The following CHD6 variants were observed in gnomAD, a reference collection of about 807,000 sequenced individuals.
CHD6 encodes the protein chromodomain helicase DNA binding protein 6, also known as ATP-dependent chromatin remodeler CHD6.
Under a neutral mutation model 276.9 loss-of-function variants are expected in CHD6, and 50 were observed. The observed-to-expected ratio is 0.18, with a 90% CI of 0.14 to 0.23. The LOEUF (loss-of-function observed/expected upper bound fraction) is 0.23. CHD6 is among the 10% of genes least tolerant of loss of function. CHD6 has a pLI of 1.00. For missense variants in CHD6, 2,564 were observed against 3,365.8 expected, an observed-to-expected ratio of 0.76 and a Z score of 5.89; for synonymous variants, 1,173 against 1,229.3, an observed-to-expected ratio of 0.95 and a Z score of 0.96.
At chr20:41,488,310 G>A (rs1023339737) in intron 13 of CHD6, 118 bp downstream of exon 13, 7 of 995,808 alleles carry the variant, frequency 7.0e-6, no homozygotes, top group Non-Finnish European at 8.8e-6. Flanking sequence ...GACCAAAAAA[G>A]AAAATCTAAT....
At chr20:41,457,817 C>A (rs747402804) in intron 17 of CHD6, among the ~76,000 whole-genome samples, 1 of 152,142 alleles carries the variant, frequency 6.6e-6, no homozygotes, top group Non-Finnish European at 1.5e-5. Context: ...AATTTTGCTA[C>A]TGAAATTTTC....
At chr20:41,534,709 C>T (rs2044784329) in intron 2 of CHD6, among the ~76,000 whole-genome samples, 1 of 151,886 alleles carries the variant, frequency 6.6e-6, no homozygotes, top group Non-Finnish European at 1.5e-5. Flanking sequence ...AAAAGGAAAA[C>T]AATTCAGTTT....
At chr20:41,568,022 A>G (rs1568707979) in intron 1 of CHD6, among the ~76,000 whole-genome samples, 1 of 152,260 alleles carries the variant, frequency 6.6e-6, no homozygotes, top group Non-Finnish European at 1.5e-5. Context: ...AAAAAAGAAT[A>G]AAAGTAAAAA....
intron 1 of CHD6, among the ~76,000 whole-genome samples, chr20:41,587,769 A>G (rs1163735118): frequency 6.6e-6 from 1 of 152,178 alleles, no homozygotes; most frequent in Non-Finnish European, 1.5e-5. Flanking sequence ...TGCCTAACCC[A>G]AGAGCAGTCA....
intron 17 of CHD6, among the ~76,000 whole-genome samples, chr20:41,469,073 C>G (rs1261169285): frequency 6.6e-6 from 1 of 152,132 alleles, no homozygotes; most frequent in East Asian, 1.9e-4. Context: ...GGTCCAATAC[C>G]TCTTCCCCTC....
chr20:41,542,719 T>G (rs2044968766), intron 2 of CHD6, among the ~76,000 whole-genome samples: 1 of 151,298 alleles, frequency 6.6e-6, no homozygotes, highest in Non-Finnish European at 1.5e-5. Flanking sequence ...AAAGACTGTA[T>G]TCATGGATAA....
At chr20:41,547,424 G>A in intron 2 of CHD6, 1 of 246,376 alleles carries the variant, frequency 4.1e-6, no homozygotes, top group Non-Finnish European at 8.1e-6. Flanking sequence ...CCTCCACCAT[G>A]CTGCTGAAGT....
intron 1 of CHD6, among the ~76,000 whole-genome samples, chr20:41,577,795 G>C (rs2045490845): frequency 6.6e-6 from 1 of 152,214 alleles, no homozygotes; most frequent in Admixed American, 6.5e-5. Flanking sequence ...CTCTCTTGGA[G>C]TACAAATTCT....
At position 41,471,540 on chromosome 20, in the gene CHD6, G is replaced by T. The variant is rs1411503441; in HGVS notation, c.2664+1782C>A. 4.1e-5 allele frequency among the ~76,000 whole-genome samples: 6 copies of T among 145,700 alleles called. No homozygotes were observed. In the South Asian group the frequency reaches 1.1e-3, roughly 26 times the overall value. ...TGATGTATACCATGAAATATTTTCA[G>T]TTTTTTTTTTTTTGAGACCGAGTCT... On this transcript the variant is annotated intron_variant, in intron 17 of 36. Transcript: ENST00000373233.
At chr20:41,423,880 C>CTA (rs1412664683) in intron 29 of CHD6, among the ~76,000 whole-genome samples, 180 bp from the exon 30 acceptor site, 1 of 152,160 alleles carries the variant, frequency 6.6e-6, no homozygotes, top group East Asian at 1.9e-4. Flanking sequence ...TGAAAACAGC[C>CTA]TATTATCCAA....
chr20:41,417,218 A>C lies in CHD6; in HGVS notation c.6259T>G (p.Ser2087Ala). ...GGTACCTTTGGCCACTCAGAGAAGG[A>C]ATAGAGAGTTTTCTCCTGTAGCAGC... ...AQLLQEKTLYSFSEWPKDRVI... is the reference protein window; with the variant it reads ...AQLLQEKTLYAFSEWPKDRVI... Residue 2087 changes from serine to alanine, a missense_variant, in exon 32 of 37, where the codon TCC (serine) becomes GCC (alanine). Transcript: ENST00000373233. The C allele has an allele frequency of 6.2e-7, 1 of 1,614,014 alleles. No individual in the cohort carries two copies. Among genetic ancestry groups the C allele is most frequent in the Non-Finnish European group, 8.5e-7 (1 of 1,179,976 alleles).
intron 25 of CHD6, among the ~76,000 whole-genome samples, chr20:41,441,075 T>C (rs1231417498): frequency 6.6e-6 from 1 of 152,224 alleles, no homozygotes; most frequent in Non-Finnish European, 1.5e-5. Context: ...GCCATCTCCA[T>C]GACAGGTGCT....
rs1355376363 is a variant in CHD6 at position 41,456,086 on chromosome 20, T to A, written c.2830-107A>T. ...GTGCATAGTTCCTCCATGAACTACA[T>A]GTTAGAACAAAGGACGTGGGCAACA... On this transcript the variant is annotated intron_variant, in intron 18 of 36. Transcript: ENST00000373233. The A allele has an allele frequency of 7.4e-6, 8 of 1,085,076 alleles. No homozygotes were observed. The East Asian group carries it at 1.9e-4, about 25-fold the overall frequency. The allele number at this position is 1,085,076 out of a possible 1,614,324, so 67.2% of individuals were successfully genotyped here.
At chr20:41,609,531 T>G (rs1441245811) in intron 1 of CHD6, among the ~76,000 whole-genome samples, 1 of 152,180 alleles carries the variant, frequency 6.6e-6, no homozygotes, top group South Asian at 2.1e-4. Flanking sequence ...AGAGACTATA[T>G]AGCATTAACT....
intron 3 of CHD6, among the ~76,000 whole-genome samples, chr20:41,524,282 C>T (rs946200666): frequency 1.3e-5 from 2 of 152,028 alleles, no homozygotes; most frequent in Non-Finnish European, 2.9e-5. Context: ...TTTAAAGATA[C>T]TAGTTAAAAG....
intron 1 of CHD6, among the ~76,000 whole-genome samples, chr20:41,565,021 A>G (rs1434670145): frequency 1.3e-5 from 2 of 152,208 alleles, no homozygotes; most frequent in African/African-American, 4.8e-5. Flanking sequence ...ATACCCAGGT[A>G]GAAGTAACAG....
Position 41,509,707 on chromosome 20 carries a change from G to C in CHD6, c.852+3139C>G, listed in dbSNP as rs371412285. Among the ~76,000 whole-genome samples the C allele has an allele frequency of 2.1e-4, 32 of 152,332 alleles. 1 individual carries two copies. Among genetic ancestry groups the C allele is most frequent in the African/African-American group, 7.2e-4 (30 of 41,576 alleles). ...AGGAGGCAAAAACTGAGACAGGCTT[G>C]TCAACAGTCTTTACATTGTAAAGGC... On this transcript the variant is annotated intron_variant, in intron 5 of 36. Coordinates refer to ENST00000373233, the MANE Select transcript of CHD6 (RefSeq NM_032221.5).
In CHD6 at chr20:41,520,999, C is replaced by A. The variant is rs151152691; in HGVS notation, c.555-6047G>T. ...AAACAGAGGAAGGGTAAACAAAAAA[C>A]CCCACAATGTCTATCTACCTGCAAG... On this transcript the variant is annotated intron_variant, in intron 3 of 36. Transcript: ENST00000373233. Among the ~76,000 whole-genome samples, 8 of 152,142 alleles carry A rather than the reference C, an allele frequency of 5.3e-5. No homozygotes were observed. In the East Asian group the frequency reaches 1.4e-3, roughly 26 times the overall value.
intron 14 of CHD6, among the ~76,000 whole-genome samples, chr20:41,484,951 C>G (rs975518363): frequency 7.2e-5 from 11 of 152,042 alleles, no homozygotes; most frequent in Admixed American, 6.6e-4. Context: ...CAGTAATTAC[C>G]TGAAGAGTAT....
Sources: allele counts gnomAD v4.1 joint callset (sites outside exome capture counted in the v4.1 genomes callset), GRCh38; gene constraint gnomAD v4.1.1; transcripts MANE v1.5; gene names NCBI Gene and HGNC (gene_info 2026-07-23, HGNC 2026-07-21).